Variants in GRIN2B observed in about 807,000 individuals in gnomAD.
GRIN2B encodes glutamate ionotropic receptor NMDA type subunit 2B.
Under a neutral mutation model 114.5 loss-of-function variants are expected in GRIN2B, and 5 were observed. That is an observed-to-expected ratio of 0.04 (90% CI 0.02 to 0.09). The LOEUF is 0.09. Among genes scored for constraint, GRIN2B ranks in the 10% least tolerant of loss-of-function variants. GRIN2B has a pLI of 1.00. For missense variants in GRIN2B, 1,108 were observed against 1,943.5 expected (o/e 0.57, Z 8.08); for synonymous variants, 787 against 745.1 (o/e 1.06, Z -0.92).
chr12:13,694,681 AT>A (rs1335942320), intron 4 of GRIN2B, among the ~76,000 whole-genome samples: 7 of 104,356 alleles, frequency 6.7e-5, no homozygotes, highest in African/African-American at 2.1e-4. Flanking sequence ...ATATATATAT[AT>A]ATATATATAT....
intron 10 of GRIN2B, among the ~76,000 whole-genome samples, chr12:13,605,098 C>A (rs1949220692): frequency 6.7e-6 from 1 of 148,904 alleles, no homozygotes; most frequent in East Asian, 2.0e-4. Context: ...TAATGATGAA[C>A]AACTTATGGT....
At chr12:13,609,564 G>C in intron 9 of GRIN2B, among the ~76,000 whole-genome samples, 1 of 152,152 alleles carries the variant, frequency 6.6e-6, no homozygotes. Flanking sequence ...ACGAGGTCAG[G>C]AGATCGAGAC....
chr12:13,834,471 C>T (rs112448220), intron 3 of GRIN2B, among the ~76,000 whole-genome samples: 6 of 152,238 alleles, frequency 3.9e-5, no homozygotes, highest in African/African-American at 1.2e-4. Context: ...CTTTGACCTA[C>T]ATGTGACTGC....
At chr12:13,830,659 C>T (rs1039222860) in intron 3 of GRIN2B, among the ~76,000 whole-genome samples, 3 of 152,126 alleles carry the variant, frequency 2.0e-5, no homozygotes, top group African/African-American at 7.2e-5. Flanking sequence ...TATATATGTA[C>T]ACCCTCCCCA....
chr12:13,929,668 G>A (rs1169394046), intron 2 of GRIN2B, among the ~76,000 whole-genome samples: 1 of 152,160 alleles, frequency 6.6e-6, no homozygotes, highest in Non-Finnish European at 1.5e-5. Context: ...ATAATGAGCT[G>A]CCTAGGTCCA....
chr12:13,748,902 T>C (rs965596004), intron 4 of GRIN2B, among the ~76,000 whole-genome samples: 3 of 152,258 alleles, frequency 2.0e-5, no homozygotes, highest in African/African-American at 7.2e-5. Flanking sequence ...ATATTTAGTA[T>C]TGACTTGTGC....
chr12:13,760,599 G>A (rs970675830), intron 3 of GRIN2B, among the ~76,000 whole-genome samples: 23 of 152,066 alleles, frequency 1.5e-4, no homozygotes, highest in African/African-American at 5.3e-4. Context: ...CAGTTCTTGA[G>A]GACAATCTGT....
intron 5 of GRIN2B, among the ~76,000 whole-genome samples, chr12:13,664,032 GA>G (rs1949950851): frequency 6.6e-6 from 1 of 152,188 alleles, no homozygotes; most frequent in African/African-American, 2.4e-5. Context: ...CAAAGGCACA[GA>G]AAGGGGGAAT....
chr12:13,928,551 T>C (rs1437786376), intron 2 of GRIN2B, among the ~76,000 whole-genome samples: 1 of 152,170 alleles, frequency 6.6e-6, no homozygotes, highest in African/African-American at 2.4e-5. Flanking sequence ...AGAACAGTTA[T>C]AAAAGTATAA....
chr12:13,952,672 A>T (rs1198721129), intron 2 of GRIN2B, among the ~76,000 whole-genome samples: 3 of 152,074 alleles, frequency 2.0e-5, no homozygotes, highest in Non-Finnish European at 2.9e-5. Flanking sequence ...CTGGCCATGT[A>T]TTTAAGGTAT....
At chr12:13,804,762 A>C (rs1864573447) in intron 3 of GRIN2B, among the ~76,000 whole-genome samples, 1 of 152,172 alleles carries the variant, frequency 6.6e-6, no homozygotes, top group Non-Finnish European at 1.5e-5. Context: ...AAACTCCATG[A>C]GGTCTAGAAG....
At position 13,571,940 on chromosome 12, in the gene GRIN2B, G is replaced by A. The variant is rs1948713931; in HGVS notation, c.2035C>T (p.Pro679Ser). Residue 679 changes from proline to serine, a missense_variant, in exon 11 of 14, where the codon CCC (proline) becomes TCC (serine). Pro to Ser is a moderately conservative substitution (Grantham distance 74). This residue lies in a region of GRIN2B where 10 missense variants were observed against 17.4 expected (regional missense o/e 0.57). Transcript: ENST00000609686. ...GGCACGGTCCCAAAGCGGAAAGGGG[G>A]TGAGAAGTCATTAGGTCTCTGGAAC... ...KKFQRPNDFSPPFRFGTVPNG... is the reference protein window; with the variant it reads ...KKFQRPNDFSSPFRFGTVPNG... The A allele has an allele frequency of 1.2e-6, 2 of 1,614,002 alleles. No individual in the cohort carries two copies. The highest frequency in any genetic ancestry group is 2.2e-5 in the East Asian group (1 of 44,880).
chr12:13,650,599 T>C (rs942350747), intron 5 of GRIN2B, among the ~76,000 whole-genome samples: 12 of 152,072 alleles, frequency 7.9e-5, no homozygotes, highest in Non-Finnish European at 1.3e-4. Flanking sequence ...TGAACATCAA[T>C]TGGCAAATGG....
At chr12:13,612,943 A>G (rs551249864) in intron 8 of GRIN2B, among the ~76,000 whole-genome samples, 79 of 152,350 alleles carry the variant, frequency 5.2e-4, no homozygotes, top group African/African-American at 1.8e-3. Context: ...TAAAAAGGGG[A>G]AAAATTGGCT....
chr12:13,967,890 T>A (rs1197405303), intron 2 of GRIN2B, among the ~76,000 whole-genome samples: 1 of 152,178 alleles, frequency 6.6e-6, no homozygotes, highest in Admixed American at 6.5e-5. Flanking sequence ...GGAGTGTAAA[T>A]CAGCCTTTCA....
chr12:13,671,571 C>A (rs1262449446), intron 5 of GRIN2B, among the ~76,000 whole-genome samples: 3 of 152,158 alleles, frequency 2.0e-5, no homozygotes, highest in Non-Finnish European at 4.4e-5. Context: ...TATGACTCCA[C>A]TGGGAGTTGG....
intron 4 of GRIN2B, among the ~76,000 whole-genome samples, chr12:13,677,825 G>A (rs1197480798): frequency 6.6e-6 from 1 of 151,878 alleles, no homozygotes; most frequent in Non-Finnish European, 1.5e-5. Context: ...CTACATGAGA[G>A]TTTCTCAAGT....
chr12:13,828,273 C>A (rs1312582128), intron 3 of GRIN2B, among the ~76,000 whole-genome samples: 1 of 152,192 alleles, frequency 6.6e-6, no homozygotes. Context: ...CTTCTGAGAT[C>A]TCTATTAAGT....
chr12:13,803,624 CTG>C (rs1310409964), intron 3 of GRIN2B, among the ~76,000 whole-genome samples: 2 of 152,154 alleles, frequency 1.3e-5, no homozygotes, highest in African/African-American at 2.4e-5. Context: ...CCAAAATACT[CTG>C]TAAACCAACG....
Sources: gnomAD v4.1 joint callset for allele counts (sites outside exome capture counted in the v4.1 genomes callset) on GRCh38, gnomAD v4.1.1 for gene constraint, gnomAD v4.1.1 regional missense constraint, MANE v1.5 for transcripts, NCBI Gene and HGNC (gene_info 2026-07-23, HGNC 2026-07-21) for gene names.